Variants in DGKK observed in about 807,000 individuals in gnomAD.
DGKK encodes the protein 142 kDa diacylglycerol kinase.
A neutral mutation model predicts 92.2 loss-of-function variants in DGKK; 35 were observed. The observed-to-expected ratio is 0.38, with a 90% CI of 0.29 to 0.50. The LOEUF is 0.50. Among genes scored for constraint, DGKK ranks in the 20% least tolerant of loss-of-function variants. The pLI is 0.92. For missense variants in DGKK, 910 were observed against 992.2 expected (o/e 0.92, Z 1.11); for synonymous variants, 368 against 360.6 (o/e 1.02, Z -0.23).
At chrX:50,408,128 G>A (rs1166708487) in intron 4 of DGKK, among the ~76,000 whole-genome samples, 1 of 112,322 alleles carries the variant, frequency 8.9e-6, no homozygotes, top group African/African-American at 3.2e-5. Context: ...GGCCCAAGGG[G>A]CAGAGGCACT....
chrX:50,432,283 A>C (rs1205456734), intron 1 of DGKK, among the ~76,000 whole-genome samples: 5 of 112,604 alleles, frequency 4.4e-5, no homozygotes, highest in Non-Finnish European at 7.5e-5. Context: ...CCTGTTCTCT[A>C]TCAGTGAAAT....
intron 10 of DGKK, among the ~76,000 whole-genome samples, chrX:50,392,014 G>A (rs1394995938): frequency 9.4e-6 from 1 of 106,776 alleles, no homozygotes; most frequent in Non-Finnish European, 1.9e-5. Context: ...AAATCAGTGG[G>A]TTCAGGAGGG....
intron 25 of DGKK, 103 bp downstream of exon 25, chrX:50,374,868 A>G: frequency 1.4e-6 from 1 of 702,344 alleles, no homozygotes; most frequent in Non-Finnish European, 2.2e-6. Flanking sequence ...CACCTGGCCA[A>G]AATGCTCCCA....
chrX:50,378,708 G>A lies in DGKK; in HGVS notation c.2863-17C>T. On this transcript the variant is annotated splice_polypyrimidine_tract_variant and intron_variant, in intron 20 of 27. Transcript: ENST00000611977. The stretch of plus-strand genomic sequence containing the variant: ...CTCATATTCCTGAGGAGGAAGAACT[G>A]TGTCACATCTCCCACCCTTGAGAAA... 2.7e-6 allele frequency: 3 copies of A among 1,120,636 alleles called. No homozygotes were observed. The highest frequency in any genetic ancestry group is 3.7e-6 in the Non-Finnish European group (3 of 818,634). The allele number at this position is 1,120,636 out of a possible 1,213,427, so 92.4% of individuals were successfully genotyped here. A position where few individuals can be genotyped will look rare whatever the true frequency, so the allele number is the denominator to read the frequency against.
At chrX:50,375,376 T>G in intron 24 of DGKK, among the ~76,000 whole-genome samples, 1 of 110,954 alleles carries the variant, frequency 9.0e-6, no homozygotes, top group Admixed American at 9.5e-5. Flanking sequence ...GAGGGTAAAT[T>G]TAAGGCTACT....
At chrX:50,461,431 A>T (rs1329081210) in intron 1 of DGKK, among the ~76,000 whole-genome samples, 1 of 112,374 alleles carries the variant, frequency 8.9e-6, no homozygotes, top group African/African-American at 3.2e-5. Context: ...AAATATTAAC[A>T]GTGATTATCT....
intron 4 of DGKK, among the ~76,000 whole-genome samples, chrX:50,405,331 A>T (rs1200046549): frequency 9.0e-6 from 1 of 111,060 alleles, no homozygotes; most frequent in African/African-American, 3.3e-5. Context: ...CACCAAAAAA[A>T]CTCCAAGGAC....
intron 1 of DGKK, among the ~76,000 whole-genome samples, chrX:50,430,891 G>A (rs1925868127): frequency 9.0e-6 from 1 of 111,437 alleles, no homozygotes; most frequent in East Asian, 2.8e-4. Flanking sequence ...CTGTAAAGCA[G>A]CCCAATTTCC....
In DGKK at chrX:50,424,325, A is replaced by T; in HGVS notation, c.679T>A (p.Cys227Ser). The T allele has an allele frequency of 4.1e-6, 5 of 1,211,028 alleles. No individual in the cohort carries two copies. The highest frequency in any genetic ancestry group is 5.6e-6 in the Non-Finnish European group (5 of 894,885). Residue 227 changes from cysteine to serine, a missense_variant, in exon 2 of 28, where the codon TGT becomes AGT. Transcript: ENST00000611977. ...ILKEGPMLKN[C>S]NSFKRWKLRY... Reference sequence around the variant, plus strand: ...AGCTTCCATCTCTTGAAAGAGTTACAGTTCTTCAGCATAGGTCCTTCCTTC... The same window carrying T: ...AGCTTCCATCTCTTGAAAGAGTTACTGTTCTTCAGCATAGGTCCTTCCTTC...
intron 1 of DGKK, among the ~76,000 whole-genome samples, chrX:50,446,600 G>A (rs1040494141): frequency 9.0e-5 from 10 of 111,086 alleles, no homozygotes; most frequent in African/African-American, 3.3e-4. Context: ...AGTTTTTAGA[G>A]TTATTTATAG....
At chrX:50,467,865 A>G (rs1406959686) in intron 1 of DGKK, among the ~76,000 whole-genome samples, 1 of 112,699 alleles carries the variant, frequency 8.9e-6, no homozygotes, top group African/African-American at 3.2e-5. Context: ...TAATTTGAGC[A>G]CGTACCTAGA....
intron 17 of DGKK, among the ~76,000 whole-genome samples, chrX:50,382,809 C>T (rs1272786583): frequency 9.0e-6 from 1 of 111,482 alleles, no homozygotes; most frequent in South Asian, 3.8e-4. Context: ...GGGAGTGCCT[C>T]GCCAGTTGGG....
In DGKK at chrX:50,446,040, G is replaced by A. The variant is rs1341008987; in HGVS notation, c.646-21682C>T. On this transcript the variant is annotated intron_variant, in intron 1 of 27. Transcript: ENST00000611977. Reference sequence around the variant, plus strand: ...TCTTAGGTATTTTATTCCTTTTATGGCAATGGTGAATGGAATTGCGTTCCT... The same window carrying A: ...TCTTAGGTATTTTATTCCTTTTATGACAATGGTGAATGGAATTGCGTTCCT... Among the ~76,000 whole-genome samples, 4 of 110,876 alleles carry A rather than the reference G, an allele frequency of 3.6e-5. No individual in the cohort carries two copies. The East Asian group carries it at 1.1e-3, about 31-fold the overall frequency.
At chrX:50,379,142 G>A (rs1164255207) in intron 20 of DGKK, among the ~76,000 whole-genome samples, 2 of 110,962 alleles carry the variant, frequency 1.8e-5, no homozygotes, top group East Asian at 2.9e-4. Flanking sequence ...TCAACATGGC[G>A]AAACCCTGTC....
intron 7 of DGKK, among the ~76,000 whole-genome samples, chrX:50,402,280 G>T (rs186043130): frequency 9.0e-6 from 1 of 111,301 alleles, no homozygotes; most frequent in Admixed American, 9.5e-5. Flanking sequence ...ATGGTGGCAT[G>T]TGCCTGTAGT....
rs1557225391 is a variant in DGKK, at chrX:50,390,323, G to A, written c.1926+5C>T. On this transcript the variant is annotated splice_donor_5th_base_variant and intron_variant, in intron 12 of 27. Transcript: ENST00000611977. The stretch of plus-strand genomic sequence containing the variant: ...TGGTCTGAATTACAGCTGAACAGTA[G>A]TTACCTCAAATCGTGGTACATCCAT... 2.5e-6 allele frequency: 3 copies of A among 1,208,149 alleles called. No homozygotes were observed. Among genetic ancestry groups the A allele is most frequent in the South Asian group, 3.5e-5 (2 of 56,882 alleles).
At chrX:50,381,515 A>G (rs1269240368) in intron 18 of DGKK, among the ~76,000 whole-genome samples, 3 of 112,045 alleles carry the variant, frequency 2.7e-5, no homozygotes, top group African/African-American at 9.7e-5. Context: ...AATGGTGGTG[A>G]GATAATTAGA....
intron 4 of DGKK, among the ~76,000 whole-genome samples, chrX:50,419,082 G>A (rs185587260): frequency 1.3e-4 from 14 of 110,850 alleles, no homozygotes; most frequent in Admixed American, 2.9e-4. Context: ...TGATTGGGGC[G>A]GGGGCAAAAA....
At chrX:50,466,800 C>A (rs1926921271) in intron 1 of DGKK, among the ~76,000 whole-genome samples, 1 of 111,622 alleles carries the variant, frequency 9.0e-6, no homozygotes, top group Non-Finnish European at 1.9e-5. Context: ...ATCATATAAA[C>A]AAATGCTTGC....
Sources: allele counts gnomAD v4.1 joint callset (sites outside exome capture counted in the v4.1 genomes callset), GRCh38; gene constraint gnomAD v4.1.1; transcripts MANE v1.5; gene names NCBI Gene and HGNC (gene_info 2026-07-23, HGNC 2026-07-21).